CEP68: variants seen among roughly 807,000 people sequenced by gnomAD.
The protein encoded by CEP68 is centrosomal protein 68.
Under a neutral mutation model 55.3 loss-of-function variants are expected in CEP68, and 26 were observed. The ratio of observed to expected loss-of-function variants is 0.47; its 90% CI spans 0.34 to 0.65. CEP68 has a LOEUF of 0.65. CEP68 is among the 30% of genes least tolerant of loss of function. CEP68 has a pLI of 0.01. For missense variants in CEP68, 957 were observed against 946.7 expected (o/e 1.01, Z -0.14); for synonymous variants, 402 against 383.2 (o/e 1.05, Z -0.57).
At chr2:65,080,743 G>A (rs1365415483) in intron 5 of CEP68, among the ~76,000 whole-genome samples, 2 of 151,994 alleles carry the variant, frequency 1.3e-5, no homozygotes, top group South Asian at 2.1e-4. Context: ...GCTTGAACCC[G>A]GGAGGCAGAG....
At chr2:65,061,716 A>C (rs1487736380) in intron 1 of CEP68, among the ~76,000 whole-genome samples, 1 of 152,226 alleles carries the variant, frequency 6.6e-6, no homozygotes, top group Non-Finnish European at 1.5e-5. Flanking sequence ...CTGGCCTCCC[A>C]GTCTCAGGCC....
rs138999104 is a variant in CEP68, at chr2:65,086,877, T to C, written c.*3243T>C. 1 of 152,772 alleles carries C rather than the reference T, an allele frequency of 6.5e-6. No homozygotes were observed. The highest frequency in any genetic ancestry group is 1.9e-4 in the East Asian group (1 of 5,190). The allele number at this position is 152,772 out of a possible 1,614,324, so 9.5% of individuals were successfully genotyped here. On this transcript the variant is annotated 3_prime_UTR_variant, in exon 7 of 7. Coordinates refer to ENST00000377990, the MANE Select transcript of CEP68 (RefSeq NM_015147.3). ...AATACAAAGTAAACTATGATTTTTA[T>C]TGTGAAATTTTCATAGATGGAAAAT...
intron 2 of CEP68, chr2:65,071,130 T>C (rs1397648977): frequency 3.0e-6 from 1 of 337,842 alleles, no homozygotes; most frequent in East Asian, 6.3e-5. Flanking sequence ...GAGACGCTTC[T>C]CAGAGGTAAG....
intron 1 of CEP68, among the ~76,000 whole-genome samples, chr2:65,061,059 C>A (rs556112472): frequency 6.6e-6 from 1 of 152,120 alleles, no homozygotes; most frequent in Non-Finnish European, 1.5e-5. Flanking sequence ...TGCCTGTAAT[C>A]CCAACTACTC....
rs886342184 is a variant in CEP68, at chr2:65,072,715, C to T, written c.1619C>T (p.Pro540Leu). The T allele has an allele frequency of 3.1e-6, 5 of 1,614,042 alleles. No homozygotes were observed. The highest frequency in any genetic ancestry group is 3.3e-5 in the Admixed American group (2 of 60,004). Reference protein sequence around the residue: ...FPSSSSQSQLPPGAALQGSGD... With the variant: ...FPSSSSQSQLLPGAALQGSGD... ...TCAAGCTCCAGCCAAAGCCAGCTTCCCCCTGGAGCTGCCCTCCAAGGATCT... is the reference window on the plus strand; with the variant it reads ...TCAAGCTCCAGCCAAAGCCAGCTTCTCCCTGGAGCTGCCCTCCAAGGATCT... Residue 540 changes from proline to leucine, a missense_variant, in exon 3 of 7, where the codon CCC becomes CTC. Pro to Leu is a moderately conservative substitution (Grantham distance 98). Coordinates refer to ENST00000377990, the MANE Select transcript of CEP68 (RefSeq NM_015147.3).
chr2:65,067,280 T>C (rs898633441), intron 1 of CEP68, among the ~76,000 whole-genome samples: 1 of 151,912 alleles, frequency 6.6e-6, no homozygotes, highest in African/African-American at 2.4e-5. Flanking sequence ...GCCGGGAGGC[T>C]GAGGTAGGAG....
intron 1 of CEP68, among the ~76,000 whole-genome samples, chr2:65,061,252 T>A (rs1244979650): frequency 6.6e-6 from 1 of 152,204 alleles, no homozygotes; most frequent in Admixed American, 6.5e-5. Flanking sequence ...GGAGGCTGTC[T>A]GGTAGCCCTG....
intron 1 of CEP68, among the ~76,000 whole-genome samples, chr2:65,064,559 C>G (rs1676065651): frequency 6.6e-6 from 1 of 151,980 alleles, no homozygotes; most frequent in African/African-American, 2.4e-5. Context: ...GTGGTGAAAC[C>G]CCATCTCTAC....
intron 5 of CEP68, among the ~76,000 whole-genome samples, chr2:65,081,694 T>TTTTTG (rs10565893): frequency 4.0e-5 from 6 of 151,836 alleles, no homozygotes; most frequent in Non-Finnish European, 7.4e-5. Context: ...TCGGGTCATT[T>TTTTTG]TTTTGTTTTG....
intron 2 of CEP68, 58 bp downstream of exon 2, chr2:65,069,859 A>C: frequency 7.0e-7 from 1 of 1,437,492 alleles, no homozygotes; most frequent in Non-Finnish European, 9.7e-7. Context: ...GAGTTTGTTC[A>C]GGATTTCCTC....
Position 65,086,878 on chromosome 2 carries a change from T to G in CEP68, c.*3244T>G, listed in dbSNP as rs956282613. On this transcript the variant is annotated 3_prime_UTR_variant, in exon 7 of 7. Transcript: ENST00000377990. ...ATACAAAGTAAACTATGATTTTTATTGTGAAATTTTCATAGATGGAAAATT... is the reference window on the plus strand; with the variant it reads ...ATACAAAGTAAACTATGATTTTTATGGTGAAATTTTCATAGATGGAAAATT... 2 of 152,654 alleles carry G rather than the reference T, an allele frequency of 1.3e-5. No individual in the cohort carries two copies. The highest frequency in any genetic ancestry group is 2.4e-5 in the African/African-American group (1 of 41,458). The allele number at this position is 152,654 out of a possible 1,614,324, so 9.5% of individuals were successfully genotyped here. A position where few individuals can be genotyped will look rare whatever the true frequency, so the allele number is the denominator to read the frequency against.
At chr2:65,082,014 TTCAGTCTG>T (rs1234953280) in intron 5 of CEP68, among the ~76,000 whole-genome samples, 9 of 152,314 alleles carry the variant, frequency 5.9e-5, no homozygotes, top group Non-Finnish European at 5.9e-5. Context: ...CATTTTCTTT[TTCAGTCTG>T]TTCACTGAGG....
At chr2:65,067,818 C>G (rs1369833624) in intron 1 of CEP68, among the ~76,000 whole-genome samples, 1 of 152,210 alleles carries the variant, frequency 6.6e-6, no homozygotes, top group Non-Finnish European at 1.5e-5. Context: ...GTTGTGGGAA[C>G]TAGACGAGCG....
At chr2:65,056,878 C>A (rs765331133) in intron 1 of CEP68, among the ~76,000 whole-genome samples, 1 of 152,180 alleles carries the variant, frequency 6.6e-6, no homozygotes, top group African/African-American at 2.4e-5. Context: ...AGCTGCGCCG[C>A]TGGTCGGCCT....
Position 65,072,029 on chromosome 2 carries a change from C to G in CEP68, c.933C>G (p.Pro311=). 2 of 1,613,484 alleles carry G rather than the reference C, an allele frequency of 1.2e-6. No individual in the cohort carries two copies. The highest frequency in any genetic ancestry group is 1.7e-6 in the Non-Finnish European group (2 of 1,179,986). Residue 311 remains proline (P), a synonymous_variant, in exon 3 of 7, where the codon CCC becomes CCG. Coordinates refer to ENST00000377990, the MANE Select transcript of CEP68 (RefSeq NM_015147.3). ...DLLDYTYPLR[P]GPQLPKHLDS... ...TTGACTATACTTACCCACTGAGGCC[C>G]GGGCCTCAGCTCCCAAAGCACCTTG... is the stretch of plus-strand genomic sequence containing the variant.
chr2:65,072,607 C>T lies in CEP68; in HGVS notation c.1511C>T (p.Thr504Ile). 6.2e-7 allele frequency: 1 copy of T among 1,614,082 alleles called. No individual in the cohort carries two copies. The change falls in exon 3 of 7, where the codon ACC becomes ATC. Residue 504 changes from threonine to isoleucine, a missense_variant. Physicochemically the swap from Thr to Ile is moderately conservative, Grantham distance 89 (BLOSUM62 -1). Coordinates refer to ENST00000377990, the MANE Select transcript of CEP68 (RefSeq NM_015147.3). ...GTTTCGTATCTAGGATCCATTTCTA[C>T]CTTGGTTACCCTGCCCACTGGGGAT... ...SLVSYLGSIS[T>I]LVTLPTGDIK...
rs904064504 is a variant in CEP68 at position 65,070,598 on chromosome 2, G to GCCC, written c.357+799_357+801dup. 18 of 152,228 alleles carry GCCC rather than the reference G, an allele frequency of 1.2e-4. No homozygotes were observed. In the East Asian group the frequency reaches 3.1e-3, roughly 26 times the overall value. The allele number at this position is 152,228 out of a possible 1,614,324, so 9.4% of individuals were successfully genotyped here. A position where few individuals can be genotyped will look rare whatever the true frequency, so the allele number is the denominator to read the frequency against. On this transcript the variant is annotated intron_variant, in intron 2 of 6. Transcript: ENST00000377990. ...GGGACTGGGAGAGAACAGAGGCTGG[G>GCCC]CCCCACCTGCCTGGGAGCAAGGGGC...
At chr2:65,082,188 G>A (rs1315753368) in intron 5 of CEP68, among the ~76,000 whole-genome samples, 2 of 152,206 alleles carry the variant, frequency 1.3e-5, no homozygotes, top group East Asian at 3.8e-4. Flanking sequence ...ATGCCCAAGA[G>A]GATCTGGATG....
chr2:65,080,164 GGTT>G, intron 5 of CEP68: 1 of 907,376 alleles, frequency 1.1e-6, no homozygotes, highest in South Asian at 5.1e-5. Context: ...AAAAGCTTCA[GGTT>G]TTTTGACCTT....
Sources: gnomAD v4.1 joint callset for allele counts (sites outside exome capture counted in the v4.1 genomes callset) on GRCh38, gnomAD v4.1.1 for gene constraint, MANE v1.5 for transcripts, NCBI Gene and HGNC (gene_info 2026-07-23, HGNC 2026-07-21) for gene names.